The following CTNNA2 variants were observed in gnomAD, a reference collection of about 807,000 sequenced individuals.
CTNNA2 encodes the protein catenin alpha 2, also known as catenin alpha-2.
A neutral mutation model predicts 101.0 loss-of-function variants in CTNNA2; 42 were observed. The observed-to-expected ratio is 0.42, with a 90% CI of 0.32 to 0.54. The LOEUF (loss-of-function observed/expected upper bound fraction) is 0.54, where lower values mean the gene tolerates loss of function less well. Among genes scored for constraint, CTNNA2 ranks in the 20% least tolerant of loss-of-function variants. The probability of loss-of-function intolerance (pLI) is 0.14; values close to 1 mark genes in which losing one functional copy is unlikely to be tolerated. For missense variants in CTNNA2, 871 were observed against 1,223.1 expected, an observed-to-expected ratio of 0.71 and a Z score of 4.29; for synonymous variants, 450 against 456.4, an observed-to-expected ratio of 0.99 and a Z score of 0.18.
intron 7 of CTNNA2, among the ~76,000 whole-genome samples, chr2:80,187,584 G>A (rs924571539): frequency 2.0e-5 from 3 of 152,270 alleles, no homozygotes; most frequent in South Asian, 4.1e-4. Flanking sequence ...AAGAACGAGG[G>A]CAGTAATAGA....
At chr2:79,661,866 G>A (rs1376237367) in intron 2 of CTNNA2, among the ~76,000 whole-genome samples, 2 of 151,994 alleles carry the variant, frequency 1.3e-5, no homozygotes, top group Admixed American at 1.3e-4. Context: ...TTAAAAAAAA[G>A]ATAGATCACA....
At chr2:79,855,920 A>G (rs1393926699) in intron 3 of CTNNA2, among the ~76,000 whole-genome samples, 4 of 152,170 alleles carry the variant, frequency 2.6e-5, no homozygotes. Context: ...AGTAGGGAAA[A>G]GGTGGCTTTC....
chr2:79,616,621 C>T (rs1327338373), intron 1 of CTNNA2, among the ~76,000 whole-genome samples: 1 of 152,162 alleles, frequency 6.6e-6, no homozygotes, highest in African/African-American at 2.4e-5. Context: ...TCTAATTCAC[C>T]TACTCATGCC....
intron 2 of CTNNA2, among the ~76,000 whole-genome samples, chr2:79,711,377 G>A (rs956745559): frequency 6.6e-6 from 1 of 152,046 alleles, no homozygotes; most frequent in African/African-American, 2.4e-5. Context: ...TGGTTTCTAT[G>A]CTCTCATCTG....
intron 7 of CTNNA2, among the ~76,000 whole-genome samples, chr2:79,951,841 T>C (rs1293184947): frequency 6.6e-6 from 1 of 152,206 alleles, no homozygotes; most frequent in East Asian, 1.9e-4. Flanking sequence ...ATGATCCTGA[T>C]GCCAATGCTG....
At chr2:79,559,651 A>G (rs891060113) in intron 1 of CTNNA2, among the ~76,000 whole-genome samples, 7 of 151,942 alleles carry the variant, frequency 4.6e-5, no homozygotes, top group African/African-American at 1.7e-4. Flanking sequence ...GACAAAGATG[A>G]TCAAATGCAC....
At chr2:80,374,969 A>G (rs910003931) in intron 7 of CTNNA2, among the ~76,000 whole-genome samples, 1 of 151,996 alleles carries the variant, frequency 6.6e-6, no homozygotes, top group African/African-American at 2.4e-5. Flanking sequence ...GTGGAATGAT[A>G]TATCGTTTGA....
intron 9 of CTNNA2, among the ~76,000 whole-genome samples, chr2:80,451,281 C>T (rs1358245622): frequency 1.3e-5 from 2 of 152,114 alleles, no homozygotes; most frequent in Admixed American, 6.6e-5. Context: ...ATGCCATTCT[C>T]ATGATAGTGA....
At chr2:80,034,557 T>C (rs1695530638) in intron 7 of CTNNA2, among the ~76,000 whole-genome samples, 1 of 152,086 alleles carries the variant, frequency 6.6e-6, no homozygotes, top group South Asian at 2.1e-4. Context: ...TTTCACCATT[T>C]TGGCCAGGCT....
chr2:79,997,324 G>A (rs1398968921), intron 7 of CTNNA2, among the ~76,000 whole-genome samples: 1 of 150,596 alleles, frequency 6.6e-6, no homozygotes, highest in Non-Finnish European at 1.5e-5. Flanking sequence ...AAAAAGAGAG[G>A]GAGGGAGGGA....
intron 9 of CTNNA2, among the ~76,000 whole-genome samples, chr2:80,504,314 G>A (rs1241857431): frequency 1.3e-5 from 2 of 152,142 alleles, no homozygotes; most frequent in African/African-American, 2.4e-5. Flanking sequence ...ACTGTAGAGC[G>A]AGTTTTTTAA....
chr2:80,231,358 T>C (rs1256440664), intron 7 of CTNNA2, among the ~76,000 whole-genome samples: 1 of 152,202 alleles, frequency 6.6e-6, no homozygotes, highest in East Asian at 1.9e-4. Context: ...CCTCTGAGAC[T>C]GCCTGTGATG....
intron 4 of CTNNA2, among the ~76,000 whole-genome samples, chr2:79,474,073 C>T (rs1330980284): frequency 6.6e-6 from 1 of 151,904 alleles, no homozygotes; most frequent in East Asian, 1.9e-4. Context: ...GACTTCAACC[C>T]TAACACATAA....
intron 2 of CTNNA2, 27 bp downstream of exon 2, chr2:79,651,685 T>C (rs1681263761): frequency 1.3e-6 from 2 of 1,574,894 alleles, no homozygotes; most frequent in Admixed American, 1.7e-5. Flanking sequence ...AACCACTTTG[T>C]TATATATGTG....
intron 2 of CTNNA2, among the ~76,000 whole-genome samples, chr2:79,706,788 G>T (rs1320953561): frequency 6.6e-6 from 1 of 152,116 alleles, no homozygotes; most frequent in African/African-American, 2.4e-5. Context: ...CAGACATTGA[G>T]TGGGCATTCT....
intron 2 of CTNNA2, among the ~76,000 whole-genome samples, chr2:79,231,260 G>T (rs961926013): frequency 1.3e-5 from 2 of 152,278 alleles, no homozygotes; most frequent in African/African-American, 2.4e-5. Context: ...CCCAGTGGGG[G>T]GTAACTGAAT....
intron 9 of CTNNA2, among the ~76,000 whole-genome samples, chr2:80,533,136 C>T (rs1690687061): frequency 6.6e-6 from 1 of 152,146 alleles, no homozygotes; most frequent in South Asian, 2.1e-4. Flanking sequence ...TGTAGGTATC[C>T]TCCATCCATA....
intron 7 of CTNNA2, among the ~76,000 whole-genome samples, chr2:80,001,094 G>A (rs1362278497): frequency 2.0e-5 from 3 of 152,146 alleles, no homozygotes; most frequent in Non-Finnish European, 4.4e-5. Context: ...TTGACTGCTT[G>A]ATTTCCATTT....
chr2:80,406,657 T>G (rs1401534233), intron 8 of CTNNA2, among the ~76,000 whole-genome samples: 1 of 151,562 alleles, frequency 6.6e-6, no homozygotes, highest in Non-Finnish European at 1.5e-5. Flanking sequence ...AAACCCTGTC[T>G]CTACTAAAAA....
Sources: allele counts gnomAD v4.1 joint callset (sites outside exome capture counted in the v4.1 genomes callset), GRCh38; gene constraint gnomAD v4.1.1; transcripts MANE v1.5; gene names NCBI Gene and HGNC (gene_info 2026-07-23, HGNC 2026-07-21).